CA10: variants seen among roughly 807,000 people sequenced by gnomAD.
The protein encoded by CA10 is carbonic anhydrase-related protein 10.
Under a neutral mutation model 44.2 loss-of-function variants are expected in CA10, and 14 were observed. The ratio of observed to expected loss-of-function variants is 0.32; its 90% CI spans 0.21 to 0.50. CA10 has a LOEUF of 0.50. CA10 is among the 20% of genes least tolerant of loss of function. The probability of loss-of-function intolerance (pLI) is 0.99; values close to 1 mark genes in which losing one functional copy is unlikely to be tolerated. For missense variants in CA10, 350 were observed against 409.7 expected, an observed-to-expected ratio of 0.85 and a Z score of 1.26; for synonymous variants, 159 against 141.6, an observed-to-expected ratio of 1.12 and a Z score of -0.87.
At chr17:51,666,802 G>T (rs1246694934) in intron 4 of CA10, among the ~76,000 whole-genome samples, 2 of 152,168 alleles carry the variant, frequency 1.3e-5, no homozygotes, top group African/African-American at 4.8e-5. Flanking sequence ...TATCAATTCA[G>T]ATTGCAGGGA....
intron 3 of CA10, among the ~76,000 whole-genome samples, chr17:51,892,942 C>T (rs1440352488): frequency 6.6e-6 from 1 of 152,096 alleles, no homozygotes; most frequent in East Asian, 1.9e-4. Context: ...AAATAAACTA[C>T]TTGTATTAGA....
At chr17:51,996,622 C>T (rs1466339188) in intron 2 of CA10, among the ~76,000 whole-genome samples, 1 of 152,042 alleles carries the variant, frequency 6.6e-6, no homozygotes, top group Admixed American at 6.6e-5. Context: ...AACATGCCCT[C>T]TTCTTTAAAT....
intron 2 of CA10, among the ~76,000 whole-genome samples, chr17:51,943,537 C>G (rs1289109403): frequency 6.6e-6 from 1 of 152,186 alleles, no homozygotes; most frequent in African/African-American, 2.4e-5. Flanking sequence ...GTATGCCCAG[C>G]CTTTCGGGGC....
chr17:51,861,614 A>G (rs1299967120), intron 3 of CA10, among the ~76,000 whole-genome samples: 1 of 151,844 alleles, frequency 6.6e-6, no homozygotes, highest in East Asian at 1.9e-4. Context: ...GTTGTTTCAA[A>G]GGAGACTCAG....
At chr17:51,911,194 T>A (rs1201854620) in intron 3 of CA10, among the ~76,000 whole-genome samples, 1 of 152,026 alleles carries the variant, frequency 6.6e-6, no homozygotes, top group Non-Finnish European at 1.5e-5. Flanking sequence ...ATAGAATACA[T>A]CTGACCTTGA....
intron 3 of CA10, among the ~76,000 whole-genome samples, chr17:51,805,035 T>C (rs1907075525): frequency 6.6e-6 from 1 of 152,218 alleles, no homozygotes; most frequent in Non-Finnish European, 1.5e-5. Context: ...CTGAGGTCTT[T>C]CCACATTGCC....
chr17:52,134,989 G>A (rs776144402), intron 1 of CA10: 12 of 518,642 alleles, frequency 2.3e-5, no homozygotes, highest in African/African-American at 1.9e-4. Flanking sequence ...CCTTCAACAG[G>A]TTACCTGCAT....
chr17:51,668,861 T>C (rs1914305587), intron 4 of CA10, among the ~76,000 whole-genome samples: 1 of 152,152 alleles, frequency 6.6e-6, no homozygotes, highest in South Asian at 2.1e-4. Flanking sequence ...CGCCCACACT[T>C]GGAGCGGCCG....
intron 2 of CA10, among the ~76,000 whole-genome samples, chr17:52,068,768 G>T (rs1987601662): frequency 6.6e-6 from 1 of 152,196 alleles, no homozygotes; most frequent in Admixed American, 6.5e-5. Flanking sequence ...TGCCATCTTA[G>T]TGTGTCTTTT....
At chr17:51,651,314 C>T (rs1248458045) in intron 5 of CA10, among the ~76,000 whole-genome samples, 2 of 152,186 alleles carry the variant, frequency 1.3e-5, no homozygotes, top group Non-Finnish European at 2.9e-5. Flanking sequence ...GTACCTCATG[C>T]TCCATCAGAG....
intron 3 of CA10, among the ~76,000 whole-genome samples, chr17:51,868,565 T>A (rs963759136): frequency 1.3e-5 from 2 of 152,228 alleles, no homozygotes; most frequent in Admixed American, 1.3e-4. Flanking sequence ...TCTCCTGATC[T>A]TCTGGCCTCC....
intron 4 of CA10, among the ~76,000 whole-genome samples, chr17:51,705,373 T>C (rs189342889): frequency 3.3e-5 from 5 of 152,244 alleles, no homozygotes; most frequent in Non-Finnish European, 5.9e-5. Flanking sequence ...CCCTGAACCA[T>C]AGCAGAGGGG....
At chr17:52,014,867 C>T (rs1473669872) in intron 2 of CA10, among the ~76,000 whole-genome samples, 2 of 152,016 alleles carry the variant, frequency 1.3e-5, no homozygotes, top group African/African-American at 4.8e-5. Flanking sequence ...GATATCTATT[C>T]ACATCAGCAA....
chr17:51,936,290 TAAAC>T (rs2144006201), intron 2 of CA10, among the ~76,000 whole-genome samples: 1 of 152,278 alleles, frequency 6.6e-6, no homozygotes, highest in Non-Finnish European at 1.5e-5. Context: ...ATATGGGAGA[TAAAC>T]AAGTTTCTAT....
At chr17:52,070,486 C>T (rs1399946455) in intron 2 of CA10, 1 of 152,098 alleles carries the variant, frequency 6.6e-6, no homozygotes, top group African/African-American at 2.4e-5. Flanking sequence ...GATGAAGAAC[C>T]CAGGGAGCTG....
intron 2 of CA10, among the ~76,000 whole-genome samples, chr17:51,988,338 A>G (rs1190561041): frequency 2.0e-5 from 3 of 152,008 alleles, no homozygotes; most frequent in African/African-American, 7.2e-5. Context: ...TAAGAAAATG[A>G]AATGAAGCAG....
intron 3 of CA10, among the ~76,000 whole-genome samples, chr17:51,877,507 T>C (rs1980131267): frequency 2.0e-5 from 3 of 152,190 alleles, no homozygotes; most frequent in African/African-American, 7.2e-5. Flanking sequence ...CTCTCTTTGA[T>C]AAACTCACAG....
At chr17:51,636,325 A>G (rs1912825117) in intron 6 of CA10, among the ~76,000 whole-genome samples, 1 of 152,226 alleles carries the variant, frequency 6.6e-6, no homozygotes, top group African/African-American at 2.4e-5. Context: ...CTCTTAGAGC[A>G]GTAAACACCT....
intron 2 of CA10, among the ~76,000 whole-genome samples, chr17:52,041,431 C>T (rs1777158546): frequency 6.6e-6 from 1 of 151,992 alleles, no homozygotes; most frequent in Admixed American, 6.6e-5. Flanking sequence ...GCTTTTTACT[C>T]CCCAGCTTTA....
Sources: gnomAD v4.1 joint callset for allele counts (sites outside exome capture counted in the v4.1 genomes callset) on GRCh38, gnomAD v4.1.1 for gene constraint, MANE v1.5 for transcripts, NCBI Gene and HGNC (gene_info 2026-07-23, HGNC 2026-07-21) for gene names.